RSPO2: variants seen among roughly 807,000 people sequenced by gnomAD.
RSPO2 encodes the protein R-spondin-2.
RSPO2 carries 14 observed loss-of-function variants against 30.9 expected under a neutral mutation model. That is an observed-to-expected ratio of 0.45 (90% CI 0.30 to 0.71). RSPO2 has a LOEUF of 0.71. Among genes scored for constraint, RSPO2 ranks in the 30% least tolerant of loss-of-function variants. The probability of loss-of-function intolerance (pLI) is 0.08; values close to 1 mark genes in which losing one functional copy is unlikely to be tolerated. For synonymous variants in RSPO2, 107 were observed against 96.4 expected (o/e 1.11, Z -0.64); for missense variants, 264 against 301.9 (o/e 0.87, Z 0.93).
Position 108,030,515 on chromosome 8 carries a change from T to C in RSPO2, c.95-41271A>G, listed in dbSNP as rs1350158610. The stretch of plus-strand genomic sequence containing the variant: ...GGGAGGAAAGCCATAATGACTACCA[T>C]GTGGTGACTGCATGTGATGCCCAGA... On this transcript the variant is annotated intron_variant, in intron 2 of 5. Coordinates refer to ENST00000276659, the MANE Select transcript of RSPO2 (RefSeq NM_178565.5). Among the ~76,000 whole-genome samples the C allele has an allele frequency of 2.6e-5, 4 of 152,200 alleles. No homozygotes were observed. In the South Asian group the frequency reaches 8.3e-4, roughly 31 times the overall value.
At chr8:108,017,763 A>G (rs1810939854) in intron 2 of RSPO2, among the ~76,000 whole-genome samples, 1 of 152,232 alleles carries the variant, frequency 6.6e-6, no homozygotes, top group East Asian at 1.9e-4. Flanking sequence ...AATATTAGTA[A>G]TGAACGATTT....
chr8:108,024,902 T>C (rs1811160815), intron 2 of RSPO2, among the ~76,000 whole-genome samples: 1 of 151,892 alleles, frequency 6.6e-6, no homozygotes, highest in African/African-American at 2.4e-5. Context: ...CACCTGTAGT[T>C]CTAGCTACTT....
At position 107,983,014 on chromosome 8, in the gene RSPO2, G is replaced by A. The variant is rs143236986; in HGVS notation, c.283+6042C>T. ...ACGACTGGCTCCTGGGGTGCAGAGA[G>A]GGGCCACAGTCTCTGCGGCTGTGTC... is the stretch of plus-strand genomic sequence containing the variant. On this transcript the variant is annotated intron_variant, in intron 3 of 5. Coordinates refer to ENST00000276659, the MANE Select transcript of RSPO2 (RefSeq NM_178565.5). 4.8e-4 allele frequency: 368 copies of A among 762,446 alleles called. 4 individuals are homozygous for A. In the African/African-American group the frequency reaches 6.1e-3, roughly 13 times the overall value. 47.2% of individuals were successfully genotyped at this position (762,446 alleles called of 1,614,324 possible). A position where few individuals can be genotyped will look rare whatever the true frequency, so the allele number is the denominator to read the frequency against.
chr8:108,014,455 C>T (rs1483148228), intron 2 of RSPO2, among the ~76,000 whole-genome samples: 1 of 152,062 alleles, frequency 6.6e-6, no homozygotes, highest in East Asian at 1.9e-4. Context: ...AAATGCCCAT[C>T]AATGATAGAC....
rs906600838 is a variant in RSPO2, at chr8:108,062,799, T to A, written c.94+19746A>T. Among the ~76,000 whole-genome samples, 39 of 151,858 alleles carry A rather than the reference T, an allele frequency of 2.6e-4. 2 individuals carry two copies. Among genetic ancestry groups the A allele is most frequent in the African/African-American group, 8.5e-4 (35 of 41,208 alleles). ...AATCCTCAATAAAATACTGGCAAAC[T>A]GAATCCAGCAGCACATCAAAAAGCT... On this transcript the variant is annotated intron_variant, in intron 2 of 5. Coordinates refer to ENST00000276659, the MANE Select transcript of RSPO2 (RefSeq NM_178565.5).
chr8:107,983,524 G>C, intron 3 of RSPO2: 3 of 1,601,028 alleles, frequency 1.9e-6, no homozygotes, highest in Non-Finnish European at 2.6e-6. Context: ...CTTTGACAGG[G>C]ATCCAGACAC....
chr8:108,065,729 A>ATATGT (rs1812645678), intron 2 of RSPO2, among the ~76,000 whole-genome samples: 1 of 151,454 alleles, frequency 6.6e-6, no homozygotes, highest in Non-Finnish European at 1.5e-5. Flanking sequence ...CCCCTTCTTT[A>ATATGT]TATGTTAAGT....
intron 2 of RSPO2, among the ~76,000 whole-genome samples, chr8:108,057,845 A>T (rs185676355): frequency 6.6e-6 from 1 of 152,242 alleles, no homozygotes; most frequent in Non-Finnish European, 1.5e-5. Context: ...AGTTTTGCTG[A>T]AGTTGCTTAT....
At chr8:107,924,236 T>C (rs1474522390) in intron 5 of RSPO2, among the ~76,000 whole-genome samples, 1 of 151,826 alleles carries the variant, frequency 6.6e-6, no homozygotes, top group African/African-American at 2.4e-5. Context: ...CAGAAATAAA[T>C]TGAGACACAA....
chr8:107,978,425 G>A lies in RSPO2; in HGVS notation c.283+10631C>T, dbSNP rs145971738. On this transcript the variant is annotated intron_variant, in intron 3 of 5. Coordinates refer to ENST00000276659, the MANE Select transcript of RSPO2 (RefSeq NM_178565.5). ...CTGGGCAACAAAAAAAGAAGAAATG[G>A]GGAAAGGATTCCCTATTTAATAAAT... Among the ~76,000 whole-genome samples the A allele has an allele frequency of 8.2e-3, 1,255 of 152,152 alleles. 16 individuals are homozygous for A. The highest frequency in any genetic ancestry group is 0.029 in the African/African-American group (1,198 of 41,502).
chr8:108,076,496 T>C (rs1174266402), intron 2 of RSPO2, among the ~76,000 whole-genome samples: 2 of 152,088 alleles, frequency 1.3e-5, no homozygotes, highest in African/African-American at 4.8e-5. Context: ...ATGGAAAGAA[T>C]GAGATGGATA....
chr8:107,923,636 C>T (rs1462046122), intron 5 of RSPO2, among the ~76,000 whole-genome samples: 3 of 152,140 alleles, frequency 2.0e-5, no homozygotes, highest in African/African-American at 4.8e-5. Flanking sequence ...TGTTGCAGCA[C>T]TATTCACAAC....
chr8:108,078,542 G>A (rs1027253597), intron 2 of RSPO2, among the ~76,000 whole-genome samples: 10 of 151,940 alleles, frequency 6.6e-5, no homozygotes, highest in East Asian at 1.9e-4. Context: ...AAAAAAATTC[G>A]AATCTTTTCA....
chr8:108,017,297 T>C (rs994891787), intron 2 of RSPO2, among the ~76,000 whole-genome samples: 3 of 152,134 alleles, frequency 2.0e-5, no homozygotes, highest in Non-Finnish European at 4.4e-5. Flanking sequence ...GATTACAGGC[T>C]TGAGCCACTG....
Position 108,067,682 on chromosome 8 carries a change from C to T in RSPO2, c.94+14863G>A, listed in dbSNP as rs769623440. Reference sequence around the variant, plus strand: ...TGACACTATTCAAAATCAGAGAAGACTAGTTTAAGACACTCTACCACCAGA... The same window carrying T: ...TGACACTATTCAAAATCAGAGAAGATTAGTTTAAGACACTCTACCACCAGA... On this transcript the variant is annotated intron_variant, in intron 2 of 5. Coordinates refer to ENST00000276659, the MANE Select transcript of RSPO2 (RefSeq NM_178565.5). 4.9e-4 allele frequency among the ~76,000 whole-genome samples: 75 copies of T among 152,172 alleles called. 1 individual carries two copies. The highest frequency in any genetic ancestry group is 9.7e-5 in the African/African-American group (4 of 41,438).
At chr8:108,034,534 A>C (rs1171075838) in intron 2 of RSPO2, among the ~76,000 whole-genome samples, 1 of 152,244 alleles carries the variant, frequency 6.6e-6, no homozygotes, top group Non-Finnish European at 1.5e-5. Flanking sequence ...GGACAGATGA[A>C]GCATATACAG....
intron 5 of RSPO2, among the ~76,000 whole-genome samples, chr8:107,957,497 A>G (rs1813468070): frequency 6.6e-6 from 1 of 152,224 alleles, no homozygotes; most frequent in Non-Finnish European, 1.5e-5. Flanking sequence ...AATCAGCACA[A>G]TTACTACAAA....
intron 5 of RSPO2, among the ~76,000 whole-genome samples, chr8:107,952,416 A>G (rs1404747322): frequency 1.3e-5 from 2 of 152,172 alleles, no homozygotes; most frequent in African/African-American, 4.8e-5. Context: ...TCAGACAGAC[A>G]TTATAACACT....
chr8:107,944,616 T>C (rs575193756), intron 5 of RSPO2, among the ~76,000 whole-genome samples: 10 of 152,302 alleles, frequency 6.6e-5, no homozygotes, highest in Admixed American at 3.3e-4. Context: ...GGGATTATTA[T>C]GGGTTGAAAG....
Sources: allele counts gnomAD v4.1 joint callset (sites outside exome capture counted in the v4.1 genomes callset), GRCh38; gene constraint gnomAD v4.1.1; transcripts MANE v1.5; gene names NCBI Gene and HGNC (gene_info 2026-07-23, HGNC 2026-07-21).